TACC3: variants seen among roughly 807,000 people sequenced by gnomAD.
TACC3 encodes transforming acidic coiled-coil containing protein 3.
TACC3 carries 52 observed loss-of-function variants against 86.0 expected under a neutral mutation model. The ratio of observed to expected loss-of-function variants is 0.60; its 90% confidence interval spans 0.48 to 0.76. The LOEUF is 0.76. TACC3 is among the 30% of genes least tolerant of loss of function. The pLI, the probability that TACC3 is intolerant of heterozygous loss-of-function variation, is 0.00. For missense variants in TACC3, 1,120 were observed against 1,070.4 expected (o/e 1.05, Z -0.65); for synonymous variants, 512 against 430.0 (o/e 1.19, Z -2.36).
intron 4 of TACC3, chr4:1,730,550 C>A: frequency 2.2e-6 from 1 of 457,174 alleles, no homozygotes; most frequent in Non-Finnish European, 4.4e-6. Context: ...ACACCTGCCC[C>A]AGCCTCCACA....
rs764314226 is a variant in TACC3, at chr4:1,723,481, C to T, written c.60C>T (p.Cys20=). 1.9e-5 allele frequency: 30 copies of T among 1,613,526 alleles called. No homozygotes were observed. In the Admixed American group the frequency reaches 3.3e-4, roughly 18 times the overall value. The change falls in exon 2 of 16, where the codon TGC becomes TGT. Residue 20 remains cysteine (C), a synonymous_variant. Transcript: ENST00000313288. The part of the protein sequence containing the change: ...NVSNEKNTEN[C]DFLFSPPEVT... ...GCAATGAAAAAAATACAGAAAATTGCGACTTCCTGTTTTCGCCACCAGAAG... is the reference window on the plus strand; with the variant it reads ...GCAATGAAAAAAATACAGAAAATTGTGACTTCCTGTTTTCGCCACCAGAAG...
chr4:1,732,999 C>G (rs1195116511), intron 6 of TACC3, among the ~76,000 whole-genome samples: 1 of 152,228 alleles, frequency 6.6e-6, no homozygotes, highest in African/African-American at 2.4e-5. Flanking sequence ...CACCTTTTAG[C>G]TACCAGGTGG....
chr4:1,725,228 G>A (rs537300476), intron 3 of TACC3, among the ~76,000 whole-genome samples: 2 of 152,242 alleles, frequency 1.3e-5, no homozygotes, highest in South Asian at 2.1e-4. Context: ...CACCACGCCC[G>A]GCTGGCCCAA....
At chr4:1,737,357 CTT>C (rs1560316243) in intron 9 of TACC3, 29 bp downstream of exon 9, 2 of 1,592,478 alleles carry the variant, frequency 1.3e-6, no homozygotes, top group East Asian at 4.5e-5. Context: ...CTTGAACTGT[CTT>C]GTGTGTGGTC....
chr4:1,739,395 C>T (rs543393573), intron 10 of TACC3: 1 of 477,484 alleles, frequency 2.1e-6, no homozygotes, highest in East Asian at 3.4e-5. Flanking sequence ...ACTTAGGACC[C>T]CTAGTATCTG....
At chr4:1,744,921 G>T in intron 15 of TACC3, 27 bp from the exon 16 acceptor site, 1 of 1,611,366 alleles carries the variant, frequency 6.2e-7, no homozygotes, top group Admixed American at 1.7e-5. Flanking sequence ...GCAGGGAGAA[G>T]CCCCGCAACT....
chr4:1,722,505 C>T (rs1717455401), intron 1 of TACC3, among the ~76,000 whole-genome samples: 1 of 152,196 alleles, frequency 6.6e-6, no homozygotes, highest in Admixed American at 6.5e-5. Context: ...CCTCCCCACC[C>T]ACACACAGCA....
At chr4:1,722,163 C>G (rs756979560) in intron 1 of TACC3, among the ~76,000 whole-genome samples, 2 of 152,206 alleles carry the variant, frequency 1.3e-5, no homozygotes, top group Non-Finnish European at 2.9e-5. Flanking sequence ...AAGCACCAGC[C>G]TGGGGCCGGT....
At chr4:1,725,535 A>C (rs151130537) in intron 3 of TACC3, among the ~76,000 whole-genome samples, 5 of 152,342 alleles carry the variant, frequency 3.3e-5, no homozygotes, top group Non-Finnish European at 7.4e-5. Flanking sequence ...GAGACCCAGC[A>C]GCAGAGAAGT....
intron 6 of TACC3, among the ~76,000 whole-genome samples, chr4:1,733,182 C>T (rs973404286): frequency 6.6e-6 from 1 of 152,132 alleles, no homozygotes; most frequent in African/African-American, 2.4e-5. Flanking sequence ...GGCTCATGAA[C>T]GAGCGTCTTT....
Position 1,740,002 on chromosome 4 carries a change from G to A in TACC3, c.2062G>A (p.Glu688Lys). 1 of 1,612,998 alleles carries A rather than the reference G, an allele frequency of 6.2e-7. No homozygotes were observed. The highest frequency in any genetic ancestry group is 8.5e-7 in the Non-Finnish European group (1 of 1,179,992). The change falls in exon 12 of 16, where the codon GAG (glutamate) becomes AAG (lysine). Residue 688 changes from glutamate (E) to lysine (K), a missense_variant and splice_region_variant. Coordinates refer to ENST00000313288, the MANE Select transcript of TACC3 (RefSeq NM_006342.3). ...RFEEVVYQAM[E>K]EVQKQKELSK... ...CGAAGAGGTTGTGTACCAGGCCATG[G>A]GTGAGTGCCCGGGCCACCGAGGCCA...
chr4:1,730,851 G>T, intron 4 of TACC3, 36 bp from the exon 5 acceptor site: 16 of 1,560,502 alleles, frequency 1.0e-5, no homozygotes, highest in East Asian at 2.3e-5. Context: ...GTTATGGGGT[G>T]GGGGGCATGG....
At position 1,728,047 on chromosome 4, in the gene TACC3, G is replaced by T. The variant is rs762226316; in HGVS notation, c.645G>T (p.Glu215Asp). 1.9e-6 allele frequency: 3 copies of T among 1,542,380 alleles called. No homozygotes were observed. The highest frequency in any genetic ancestry group is 2.6e-6 in the Non-Finnish European group (3 of 1,141,576). ...GGACAGAGTCCCAGCACAAAGCGGA[G>T]ACTCCGCACGGAGCCGAGGAAGAAT... ...PCRTESQHKA[E>D]TPHGAEEECK... Residue 215 changes from glutamate to aspartate, a missense_variant, in exon 4 of 16, where the codon GAG (glutamate) becomes GAT (aspartate). Transcript: ENST00000313288.
chr4:1,735,914 A>G lies in TACC3; in HGVS notation c.1748+80A>G. ...GGCTGTTCCTAGGTGTGCTGTCTGC[A>G]CAGAGGCTTCTAGACCGGGGGGAGA... On this transcript the variant is annotated intron_variant, in intron 8 of 15. Transcript: ENST00000313288. This position sits in a 1 kb window ranked among gnomAD's most constrained non-coding sequence, Gnocchi z 4.2. The G allele has an allele frequency of 9.6e-7, 1 of 1,042,200 alleles. No homozygotes were observed. Among genetic ancestry groups the G allele is most frequent in the Non-Finnish European group, 1.4e-6 (1 of 704,828 alleles). 64.6% of individuals were successfully genotyped at this position (1,042,200 alleles called of 1,614,324 possible).
rs756707064 is a variant in TACC3, at chr4:1,740,971, C to T, written c.2208C>T (p.Ile736=). ...GTTTTGAGAAACAGAAAGAGGTGATCGAGGGCTACCGCAAGGTATGTCTCC... is the reference window on the plus strand; with the variant it reads ...GTTTTGAGAAACAGAAAGAGGTGATTGAGGGCTACCGCAAGGTATGTCTCC... ...FKRFEKQKEV[I]EGYRKNEESL... Residue 736 remains isoleucine (I), a synonymous_variant, in exon 13 of 16, where the codon ATC becomes ATT. Coordinates refer to ENST00000313288, the MANE Select transcript of TACC3 (RefSeq NM_006342.3). 22 of 1,607,288 alleles carry T rather than the reference C, an allele frequency of 1.4e-5. No homozygotes were observed. The highest frequency in any genetic ancestry group is 1.1e-4 in the South Asian group (10 of 89,772).
intron 3 of TACC3, among the ~76,000 whole-genome samples, chr4:1,725,816 C>G (rs932561617): frequency 6.6e-6 from 1 of 152,252 alleles, no homozygotes; most frequent in Non-Finnish European, 1.5e-5. Flanking sequence ...AGACCAAGAG[C>G]AGCCGCTGCG....
intron 1 of TACC3, among the ~76,000 whole-genome samples, chr4:1,722,205 C>G (rs1271765948): frequency 6.6e-6 from 1 of 152,208 alleles, no homozygotes; most frequent in African/African-American, 2.4e-5. Context: ...TCCCGGGCCT[C>G]CATAGTCAGT....
rs1428683659 is a variant in TACC3, at chr4:1,735,711, A to G, written c.1645-20A>G. 6.3e-7 allele frequency: 1 copy of G among 1,592,128 alleles called. No homozygotes were observed. Among genetic ancestry groups the G allele is most frequent in the Non-Finnish European group, 8.6e-7 (1 of 1,161,442 alleles). ...TAGGGGATGGCAGTCAGACCTGATCACTTGCCCTCTTGTCCCCAGTTTAAG... is the reference window on the plus strand; with the variant it reads ...TAGGGGATGGCAGTCAGACCTGATCGCTTGCCCTCTTGTCCCCAGTTTAAG... On this transcript the variant is annotated intron_variant, in intron 7 of 15. Coordinates refer to ENST00000313288, the MANE Select transcript of TACC3 (RefSeq NM_006342.3). The surrounding 1 kb of genome is among the most constrained non-coding windows in gnomAD (Gnocchi z 4.2).
chr4:1,722,009 G>A (rs1410460879), intron 1 of TACC3: 6 of 152,192 alleles, frequency 3.9e-5, no homozygotes, highest in Non-Finnish European at 5.9e-5. Flanking sequence ...GTTGTTCTTT[G>A]GTCCCTTCCG....
Sources: allele counts gnomAD v4.1 joint callset (sites outside exome capture counted in the v4.1 genomes callset), GRCh38; gene constraint gnomAD v4.1.1; non-coding constraint Gnocchi (gnomAD v3.1); transcripts MANE v1.5; gene names NCBI Gene and HGNC (gene_info 2026-07-23, HGNC 2026-07-21).